RIMKLB: variants seen among roughly 807,000 people sequenced by gnomAD.
RIMKLB encodes the protein beta-citrylglutamate synthase B.
A neutral mutation model predicts 32.0 loss-of-function variants in RIMKLB; 7 were observed. That is an observed-to-expected ratio of 0.22 (90% confidence interval 0.12 to 0.41). RIMKLB has a LOEUF of 0.41. Ranked by LOEUF, RIMKLB falls within the 10% of genes least tolerant of loss-of-function variation. The pLI is 1.00. For missense variants in RIMKLB, 289 were observed against 498.7 expected (o/e 0.58, Z 4.00); for synonymous variants, 172 against 185.1 (o/e 0.93, Z 0.57).
At chr12:8,718,637 G>GTCTCTCTC (rs759765108) in intron 2 of RIMKLB, among the ~76,000 whole-genome samples, 3 of 136,214 alleles carry the variant, frequency 2.2e-5, no homozygotes, top group Non-Finnish European at 4.7e-5. Context: ...GCGAGACTCC[G>GTCTCTCTC]TCTCTCTCTC....
At chr12:8,781,869 CAATTA>C (rs1467606862), downstream of RIMKLB, among the ~76,000 whole-genome samples, 1 of 152,060 alleles carries the variant, frequency 6.6e-6, no homozygotes, top group African/African-American at 2.4e-5. Flanking sequence ...ATGTAAATGT[CAATTA>C]AATTTATAAG....
At chr12:8,706,856 G>C (rs891668303) in intron 1 of RIMKLB, among the ~76,000 whole-genome samples, 74 of 152,186 alleles carry the variant, frequency 4.9e-4, no homozygotes, top group African/African-American at 1.7e-3. Context: ...ATTTAGTTGA[G>C]AAAGAAATAT....
chr12:8,669,945 C>A, the RIMKLB span, among the ~76,000 whole-genome samples: 1 of 145,814 alleles, frequency 6.9e-6, no homozygotes, highest in Non-Finnish European at 1.5e-5. Flanking sequence ...GAGAATGGTG[C>A]GAACCCGGGA....
At chr12:8,723,025 C>G (rs1945617984) in intron 2 of RIMKLB, among the ~76,000 whole-genome samples, 1 of 152,208 alleles carries the variant, frequency 6.6e-6, no homozygotes, top group Non-Finnish European at 1.5e-5. Flanking sequence ...GCTTTCTTAT[C>G]ATTCATGTGT....
chr12:8,700,576 A>G (rs764551585), intron 1 of RIMKLB: 1 of 152,360 alleles, frequency 6.6e-6, no homozygotes, highest in East Asian at 1.9e-4. Flanking sequence ...ACCCACGAAC[A>G]ACATGTGAAG....
the RIMKLB span, among the ~76,000 whole-genome samples, chr12:8,673,679 T>A: frequency 6.6e-6 from 1 of 151,732 alleles, no homozygotes; most frequent in Admixed American, 6.6e-5. Context: ...CACTGCAACC[T>A]CTGCCTCCCA....
At chr12:8,755,111 C>T (rs1187376106) in intron 5 of RIMKLB, among the ~76,000 whole-genome samples, 1 of 152,146 alleles carries the variant, frequency 6.6e-6, no homozygotes, top group Non-Finnish European at 1.5e-5. Flanking sequence ...GCTACCATGC[C>T]CAGCTAATTT....
the RIMKLB span, among the ~76,000 whole-genome samples, chr12:8,673,114 T>C: frequency 6.6e-6 from 1 of 152,116 alleles, no homozygotes; most frequent in Non-Finnish European, 1.5e-5. Context: ...ACTCCTGACC[T>C]CAGGTGATCT....
Position 8,684,695 on chromosome 12 carries a change from C to T in RIMKLB, n.219+2877C>T, listed in dbSNP as rs998248764. 6.6e-5 allele frequency among the ~76,000 whole-genome samples: 10 copies of T among 152,286 alleles called. No homozygotes were observed. In the East Asian group the frequency reaches 9.7e-4, roughly 15 times the overall value. ...AGGCTGGAGGGCAGTGGCACAGTCTCGGCTCACTGCAACCTCCCAGGTTCA... is the reference window on the plus strand; with the variant it reads ...AGGCTGGAGGGCAGTGGCACAGTCTTGGCTCACTGCAACCTCCCAGGTTCA... On this transcript the variant is annotated intron_variant and non_coding_transcript_variant, in intron 1 of 1. Coordinates refer to the RIMKLB transcript ENST00000538758.
At position 8,727,882 on chromosome 12, in the gene RIMKLB, C is replaced by T. The variant is rs187851984; in HGVS notation, c.175+13841C>T. 4.8e-3 allele frequency among the ~76,000 whole-genome samples: 684 copies of T among 142,904 alleles called. 6 individuals carry two copies. Among genetic ancestry groups the T allele is most frequent in the Non-Finnish European group, 5.1e-3 (341 of 66,526 alleles). The allele number at this position is 142,904 out of a possible 152,430, so 93.8% of individuals were successfully genotyped here. A position where few individuals can be genotyped will look rare whatever the true frequency, so the allele number is the denominator to read the frequency against. ...TGCCACTGCATTCCAGTCTGGGCAACGGAGTGAGACATTGTCTCAAAAAAA... is the reference window on the plus strand; with the variant it reads ...TGCCACTGCATTCCAGTCTGGGCAATGGAGTGAGACATTGTCTCAAAAAAA... On this transcript the variant is annotated intron_variant, in intron 2 of 5. Transcript: ENST00000535829.
chr12:8,701,110 G>C (rs1943356061), intron 1 of RIMKLB, among the ~76,000 whole-genome samples: 1 of 152,092 alleles, frequency 6.6e-6, no homozygotes, highest in Non-Finnish European at 1.5e-5. Flanking sequence ...GAATCTGAGG[G>C]AGGAGGAGAC....
chr12:8,773,740 A>G lies in RIMKLB; in HGVS notation c.1117A>G (p.Met373Val). 4 of 1,614,198 alleles carry G rather than the reference A, an allele frequency of 2.5e-6. No individual in the cohort carries two copies. The highest frequency in any genetic ancestry group is 1.7e-6 in the Non-Finnish European group (2 of 1,179,986). ...LTKLPGGLFN[M>V]NQLLANEIKL... Reference sequence around the variant, plus strand: ...CAAGCTCCCAGGGGGCCTGTTCAACATGAACCAGCTGCTAGCCAATGAAAT... The same window carrying G: ...CAAGCTCCCAGGGGGCCTGTTCAACGTGAACCAGCTGCTAGCCAATGAAAT... Residue 373 changes from methionine (M) to valine (V), a missense_variant, in exon 6 of 6, where the codon ATG becomes GTG. Around this residue, in one of 3 missense-constraint regions of RIMKLB, gnomAD observed 99 missense variants for 133.9 expected, o/e 0.74. Coordinates refer to ENST00000535829, the MANE Select transcript of RIMKLB (RefSeq NM_001297776.2).
the RIMKLB span, among the ~76,000 whole-genome samples, chr12:8,676,382 C>CTTTTTTTTTTTTTTTTTTTTT: frequency 2.7e-5 from 1 of 37,310 alleles, no homozygotes; most frequent in Non-Finnish European, 4.7e-5. Flanking sequence ...CCCCCAACAG[C>CTTTTTTTTTTTTTTTTTTTTT]TTTTTTTTTT....
At chr12:8,720,660 C>T (rs776408276) in intron 2 of RIMKLB, among the ~76,000 whole-genome samples, 33 of 152,164 alleles carry the variant, frequency 2.2e-4, no homozygotes, top group Non-Finnish European at 4.3e-4. Context: ...CTGCCTCAGC[C>T]TCCCGAGTAG....
At position 8,710,279 on chromosome 12, in the gene RIMKLB, TTTTG is replaced by T. The variant is rs1023309175; in HGVS notation, c.-56-3512_-56-3509del. Reference sequence around the variant, plus strand: ...AAAATGAACTACCGCTCCCCGCCAGTTTTGTTTGTTTGTTTGTTTGTTTCCTTCT... The same window carrying T: ...AAAATGAACTACCGCTCCCCGCCAGTTTTGTTTGTTTGTTTGTTTCCTTCT... On this transcript the variant is annotated intron_variant, in intron 1 of 5. Transcript: ENST00000535829. 3.1e-3 allele frequency among the ~76,000 whole-genome samples: 466 copies of T among 149,908 alleles called. 4 individuals are homozygous for T. Among genetic ancestry groups the T allele is most frequent in the African/African-American group, 9.8e-3 (400 of 40,634 alleles).
At chr12:8,704,536 T>G (rs1294578920) in intron 1 of RIMKLB, among the ~76,000 whole-genome samples, 1 of 152,226 alleles carries the variant, frequency 6.6e-6, no homozygotes, top group Non-Finnish European at 1.5e-5. Context: ...AAACATAGAC[T>G]TTAAGAATTC....
chr12:8,780,268 A>AG (rs751218628), downstream of RIMKLB: 14 of 152,326 alleles, frequency 9.2e-5, 1 homozygote, highest in African/African-American at 3.4e-4. Flanking sequence ...CATAGGTTGT[A>AG]GGGGTAGGTA....
upstream of RIMKLB, among the ~76,000 whole-genome samples, chr12:8,692,616 T>C (rs990754126): frequency 2.0e-5 from 3 of 152,220 alleles, no homozygotes; most frequent in Non-Finnish European, 4.4e-5. Flanking sequence ...ACCCATTCTT[T>C]CTCTTCTGTG....
intron 1 of RIMKLB, among the ~76,000 whole-genome samples, chr12:8,705,177 G>A (rs1417123867): frequency 1.3e-5 from 2 of 152,030 alleles, no homozygotes; most frequent in Non-Finnish European, 2.9e-5. Flanking sequence ...TGAATATACT[G>A]GAGATAAGAG....
Sources: gnomAD v4.1 joint callset for allele counts (sites outside exome capture counted in the v4.1 genomes callset) on GRCh38, gnomAD v4.1.1 for gene constraint, gnomAD v4.1.1 regional missense constraint, MANE v1.5 for transcripts, NCBI Gene and HGNC (gene_info 2026-07-23, HGNC 2026-07-21) for gene names.